OR4P4: variants seen among roughly 807,000 people sequenced by gnomAD.
OR4P4 encodes olfactory receptor family 4 subfamily P member 4.
OR4P4 carries 1 observed loss-of-function variant against 2.1 expected under a neutral mutation model. That is an observed-to-expected ratio of 0.47 (90% CI 0.17 to 2.21). The LOEUF is 2.21. OR4P4 is among the 30% of genes most tolerant of loss of function. The pLI, the probability that OR4P4 is intolerant of heterozygous loss-of-function variation, is 0.27. For missense variants in OR4P4, 375 were observed against 376.5 expected (o/e 1.00, Z 0.03); for synonymous variants, 129 against 133.2 (o/e 0.97, Z 0.22).
intron 1 of OR4P4, among the ~76,000 whole-genome samples, chr11:55,635,942 G>A (rs1858383938): frequency 7.3e-6 from 1 of 137,310 alleles, no homozygotes; most frequent in African/African-American, 2.5e-5. Context: ...TAAGATAAAT[G>A]TCAACAGATA....
chr11:55,639,146 C>T (rs746906978), exon 2 of OR4P4: 2 of 1,493,674 alleles, frequency 1.3e-6, no homozygotes, highest in Non-Finnish European at 1.8e-6. Context: ...TCACAACATT[C>T]TCAGAAGATA....
exon 2 of OR4P4, chr11:55,638,882 C>T: frequency 6.7e-7 from 1 of 1,493,714 alleles, no homozygotes; most frequent in South Asian, 1.2e-5. Flanking sequence ...TAGATCACTA[C>T]TTCTGTGATG....
chr11:55,637,282 G>A (rs1351874072), intron 1 of OR4P4, among the ~76,000 whole-genome samples: 2 of 137,846 alleles, frequency 1.5e-5, no homozygotes, highest in African/African-American at 5.0e-5. Flanking sequence ...TATTTCAGGT[G>A]GGTTTTAAAT....
intron 1 of OR4P4, among the ~76,000 whole-genome samples, chr11:55,635,960 C>A (rs57086255): frequency 1.5e-5 from 2 of 137,254 alleles, no homozygotes; most frequent in Non-Finnish European, 3.2e-5. Flanking sequence ...ATAATAGCAC[C>A]TACTTTCTTG....
At chr11:55,636,847 C>A (rs1858394322) in intron 1 of OR4P4, among the ~76,000 whole-genome samples, 1 of 137,808 alleles carries the variant, frequency 7.3e-6, no homozygotes, top group South Asian at 2.4e-4. Context: ...GACATATTTC[C>A]TTACATTTAA....
rs56984855 is a variant in OR4P4 at position 55,639,370 on chromosome 11, A to G, written c.*74A>G. On this transcript the variant is annotated 3_prime_UTR_variant, in exon 2 of 2. Transcript: ENST00000641760. The stretch of plus-strand genomic sequence containing the variant: ...CACTCTCATCTTGCTCTTGTCCTTA[A>G]TGTTTGGAGAGAAAAGTGGGCAAAC... 4,931 of 840,548 alleles carry G rather than the reference A, an allele frequency of 5.9e-3. 597 individuals carry two copies. In the African/African-American group the frequency reaches 0.074, roughly 13 times the overall value. The allele number at this position is 840,548 out of a possible 1,614,324, so 52.1% of individuals were successfully genotyped here. A position where few individuals can be genotyped will look rare whatever the true frequency, so the allele number is the denominator to read the frequency against.
exon 2 of OR4P4, chr11:55,639,504 T>C: frequency 2.6e-6 from 1 of 384,406 alleles, no homozygotes; most frequent in South Asian, 6.0e-5. Flanking sequence ...TCATTACGAT[T>C]GTGCTTATGT....
chr11:55,639,984 A>G (rs1341763932), exon 2 of OR4P4: 1 of 135,056 alleles, frequency 7.4e-6, no homozygotes, highest in African/African-American at 2.6e-5. Context: ...AAATACAAAA[A>G]TTAGCTGGGC....
At chr11:55,636,424 A>G (rs906444497) in intron 1 of OR4P4, among the ~76,000 whole-genome samples, 2 of 138,244 alleles carry the variant, frequency 1.4e-5, no homozygotes, top group Non-Finnish European at 3.2e-5. Context: ...CCATTTAAGT[A>G]TCACTGTCTA....
chr11:55,638,700 G>A lies in OR4P4; in HGVS notation c.343G>A (p.Gly115Arg). ...AGGCATAGAGATCTTCATTCTCACA[G>A]GGATGGCCTATGACCGCTATGTGGC... is the stretch of plus-strand genomic sequence containing the variant. The change falls in exon 2 of 2, where the codon GGG becomes AGG. Residue 115 changes from glycine to arginine, a missense_variant. Coordinates refer to ENST00000641760, the Ensembl canonical transcript of OR4P4. 1.3e-6 allele frequency: 2 copies of A among 1,491,692 alleles called. 1 individual carries two copies. Among genetic ancestry groups the A allele is most frequent in the South Asian group, 2.4e-5 (2 of 84,972 alleles). 92.4% of individuals were successfully genotyped at this position (1,491,692 alleles called of 1,614,324 possible).
chr11:55,637,721 A>G lies in OR4P4; in HGVS notation c.-30-607A>G, dbSNP rs1367442743. ...AGAATTAATTAAAATATTTTGATGT[A>G]ATATTATTTTTAGAAAGCAATGAAA... On this transcript the variant is annotated intron_variant, in intron 1 of 1. Transcript: ENST00000641760. Among the ~76,000 whole-genome samples, 6 of 138,248 alleles carry G rather than the reference A, an allele frequency of 4.3e-5. 1 individual carries two copies. The East Asian group carries it at 1.4e-3, about 33-fold the overall frequency. The allele number at this position is 138,248 out of a possible 152,430, so 90.7% of individuals were successfully genotyped here. A position where few individuals can be genotyped will look rare whatever the true frequency, so the allele number is the denominator to read the frequency against.
chr11:55,639,146 C>G, exon 2 of OR4P4: 1 of 1,493,674 alleles, frequency 6.7e-7, no homozygotes, highest in Non-Finnish European at 9.1e-7. Context: ...TCACAACATT[C>G]TCAGAAGATA....
chr11:55,639,501 G>T (rs549362883), exon 2 of OR4P4: 2 of 413,082 alleles, frequency 4.8e-6, no homozygotes, highest in Non-Finnish European at 4.2e-6. Flanking sequence ...TAATCATTAC[G>T]ATTGTGCTTA....
intron 1 of OR4P4, among the ~76,000 whole-genome samples, chr11:55,637,657 T>A (rs1362238352): frequency 7.2e-6 from 1 of 138,328 alleles, no homozygotes; most frequent in Non-Finnish European, 1.6e-5. Context: ...GCTGAAAATG[T>A]ATATTATAAA....
exon 2 of OR4P4, chr11:55,638,454 T>C (rs1456805733): frequency 6.8e-7 from 1 of 1,466,638 alleles, no homozygotes; most frequent in African/African-American, 1.4e-5. Context: ...TTTGTTTTGC[T>C]ACATTGCTAT....
chr11:55,638,820 G>A, exon 2 of OR4P4: 1 of 1,490,890 alleles, frequency 6.7e-7, no homozygotes, highest in Non-Finnish European at 9.1e-7. Context: ...TATACATTCT[G>A]CCAGTCAGTT....
rs560019397 is a variant in OR4P4 at position 55,635,287 on chromosome 11, A to G, written c.-31+71A>G. On this transcript the variant is annotated intron_variant, in intron 1 of 1. Coordinates refer to ENST00000641760, the Ensembl canonical transcript of OR4P4. ...AGTAAGAAATGCCTTGGGAAGAAAT[A>G]AAAATGTAACTTTAGAATATAGCCT... The G allele has an allele frequency of 1.1e-4, 15 of 138,054 alleles. 1 individual carries two copies. Among genetic ancestry groups the G allele is most frequent in the Middle Eastern group, 3.8e-3 (1 of 266 alleles). 8.6% of individuals were successfully genotyped at this position (138,054 alleles called of 1,614,324 possible). A position where few individuals can be genotyped will look rare whatever the true frequency, so the allele number is the denominator to read the frequency against.
At chr11:55,637,663 A>T (rs1858404354) in intron 1 of OR4P4, among the ~76,000 whole-genome samples, 1 of 138,334 alleles carries the variant, frequency 7.2e-6, no homozygotes, top group Non-Finnish European at 1.6e-5. Context: ...AATGTATATT[A>T]TAAATGGACA....
chr11:55,638,644 T>C lies in OR4P4; in HGVS notation c.287T>C (p.Met96Thr), dbSNP rs775547503. The C allele has an allele frequency of 1.1e-5, 17 of 1,492,556 alleles. 6 individuals are homozygous for C. The Admixed American group carries it at 2.8e-4, about 24-fold the overall frequency. The allele number at this position is 1,492,556 out of a possible 1,614,324, so 92.5% of individuals were successfully genotyped here. Residue 96 changes from methionine to threonine, a missense_variant, in exon 2 of 2, where the codon ATG (methionine) becomes ACG (threonine). Met to Thr is a moderately conservative substitution (Grantham distance 81, BLOSUM62 -1). Coordinates refer to ENST00000641760, the Ensembl canonical transcript of OR4P4. ...AAGACCATTTCCTATAATAACTGTATGATACAACTCTTTACCACCCATTTT... is the reference window on the plus strand; with the variant it reads ...AAGACCATTTCCTATAATAACTGTACGATACAACTCTTTACCACCCATTTT...
Sources: allele counts gnomAD v4.1 joint callset (sites outside exome capture counted in the v4.1 genomes callset), GRCh38; gene constraint gnomAD v4.1.1; transcripts MANE v1.5; gene names NCBI Gene and HGNC (gene_info 2026-07-23, HGNC 2026-07-21).